The following MCPH1 variants were observed in gnomAD, a reference collection of about 807,000 sequenced individuals.
The protein encoded by MCPH1 is microcephalin 1, also known as microcephalin.
In MCPH1, 104 loss-of-function variants were observed where a neutral mutation model predicts 84.5. The observed-to-expected ratio is 1.23, with a 90% CI of 1.05 to 1.45. The LOEUF (loss-of-function observed/expected upper bound fraction) is 1.45, where lower values mean the gene tolerates loss of function less well. Ranked by LOEUF, MCPH1 falls within the 40% of genes most tolerant of loss-of-function variation. The pLI is 0.00. For synonymous variants in MCPH1, 514 were observed against 366.8 expected (o/e 1.40, Z -4.58); for missense variants, 1,498 against 1,005.7 (o/e 1.49, Z -6.62).
Position 6,477,036 on chromosome 8 carries a change from C to CA in MCPH1, c.1936-548dup, listed in dbSNP as rs5889171. Among the ~76,000 whole-genome samples, 22 of 136,942 alleles carry CA rather than the reference C, an allele frequency of 1.6e-4. No individual in the cohort carries two copies. In the East Asian group the frequency reaches 2.3e-3, roughly 14 times the overall value. The allele number at this position is 136,942 out of a possible 152,430, so 89.8% of individuals were successfully genotyped here. On this transcript the variant is annotated intron_variant, in intron 9 of 13. Coordinates refer to ENST00000344683, the MANE Select transcript of MCPH1 (RefSeq NM_024596.5). The stretch of plus-strand genomic sequence containing the variant: ...AGTCAGCGTGCATTTCTTAGATAAG[C>CA]AAAAAAAAAATTAAACATTTTATTT...
chr8:6,565,267 C>T (rs1467956728), intron 12 of MCPH1, among the ~76,000 whole-genome samples: 1 of 152,222 alleles, frequency 6.6e-6, no homozygotes, highest in Non-Finnish European at 1.5e-5. Flanking sequence ...CAGGCATGCT[C>T]CATTAAATGG....
At chr8:6,578,003 C>G (rs1827253770) in intron 12 of MCPH1, among the ~76,000 whole-genome samples, 1 of 152,210 alleles carries the variant, frequency 6.6e-6, no homozygotes, top group African/African-American at 2.4e-5. Context: ...TGTCCTGCAT[C>G]TCTGAATTTG....
intron 12 of MCPH1, among the ~76,000 whole-genome samples, chr8:6,612,028 C>T (rs1444153709): frequency 2.0e-5 from 3 of 152,164 alleles, no homozygotes; most frequent in African/African-American, 7.2e-5. Flanking sequence ...TTCAACCCTC[C>T]AAAGATTGGG....
At chr8:6,481,289 C>G (rs1239254968) in intron 11 of MCPH1, among the ~76,000 whole-genome samples, 1 of 152,216 alleles carries the variant, frequency 6.6e-6, no homozygotes, top group African/African-American at 2.4e-5. Flanking sequence ...GATGGATTTA[C>G]TTAGGATGAA....
intron 12 of MCPH1, chr8:6,562,574 T>TTTTTAAAAAA: frequency 1.7e-6 from 1 of 583,796 alleles, no homozygotes; most frequent in Non-Finnish European, 2.6e-6. Flanking sequence ...TTTTTTTTGG[T>TTTTTAAAAAA]TGTTAAAACC....
At chr8:6,419,128 TACACACACACACACAC>T (rs59016342) in intron 3 of MCPH1, among the ~76,000 whole-genome samples, 1 of 144,520 alleles carries the variant, frequency 6.9e-6, no homozygotes, top group Non-Finnish European at 1.5e-5. Context: ...TATATACACA[TACACACACACACACAC>T]ACACACAGAC....
intron 2 of MCPH1, among the ~76,000 whole-genome samples, chr8:6,410,183 C>A (rs1250806709): frequency 6.6e-6 from 1 of 151,378 alleles, no homozygotes; most frequent in African/African-American, 2.4e-5. Flanking sequence ...ACCATGTTGG[C>A]CAGGATGGTC....
At chr8:6,639,195 G>A (rs1474062744) in intron 13 of MCPH1, among the ~76,000 whole-genome samples, 2 of 152,114 alleles carry the variant, frequency 1.3e-5, no homozygotes, top group African/African-American at 2.4e-5. Context: ...ATGGGTAGAC[G>A]GGTGCATGGG....
chr8:6,632,437 A>C (rs1323039188), intron 13 of MCPH1, among the ~76,000 whole-genome samples: 1 of 152,154 alleles, frequency 6.6e-6, no homozygotes, highest in East Asian at 1.9e-4. Context: ...AAAAAAAAGA[A>C]ATCTATTCAC....
At chr8:6,559,684 A>G (rs1825217890) in intron 12 of MCPH1, among the ~76,000 whole-genome samples, 1 of 152,158 alleles carries the variant, frequency 6.6e-6, no homozygotes, top group African/African-American at 2.4e-5. Flanking sequence ...AGAAAAAAAA[A>G]TTCCTGTGGT....
In MCPH1 at chr8:6,505,397, A is replaced by G. The variant is rs1278477218; in HGVS notation, c.2214+5468A>G. Among the ~76,000 whole-genome samples the G allele has an allele frequency of 1.0e-4, 7 of 70,246 alleles. 1 individual carries two copies. In the South Asian group the frequency reaches 2.3e-3, roughly 23 times the overall value. 46.1% of individuals were successfully genotyped at this position (70,246 alleles called of 152,430 possible). Reference sequence around the variant, plus strand: ...ATATATATTCTTTCTATATGTATATAGAATATATATATTCTTTATATACAT... The same window carrying G: ...ATATATATTCTTTCTATATGTATATGGAATATATATATTCTTTATATACAT... On this transcript the variant is annotated intron_variant, in intron 12 of 13. Coordinates refer to ENST00000344683, the MANE Select transcript of MCPH1 (RefSeq NM_024596.5).
intron 12 of MCPH1, among the ~76,000 whole-genome samples, chr8:6,534,362 T>C (rs1820123753): frequency 6.6e-6 from 1 of 152,240 alleles, no homozygotes; most frequent in Admixed American, 6.5e-5. Context: ...TATGCAGATC[T>C]ACCCTGTTTT....
chr8:6,561,205 C>A (rs1372670643), intron 12 of MCPH1, among the ~76,000 whole-genome samples: 1 of 152,178 alleles, frequency 6.6e-6, no homozygotes. Context: ...CCACAGTGAC[C>A]TGGGAAAGGA....
At chr8:6,439,536 C>T (rs1234536898) in intron 6 of MCPH1, among the ~76,000 whole-genome samples, 1 of 151,274 alleles carries the variant, frequency 6.6e-6, no homozygotes, top group African/African-American at 2.5e-5. Flanking sequence ...AGGCGCCTGT[C>T]ACCACTCCTG....
chr8:6,561,404 A>C (rs1177920901), intron 12 of MCPH1, among the ~76,000 whole-genome samples: 1 of 152,206 alleles, frequency 6.6e-6, no homozygotes, highest in Non-Finnish European at 1.5e-5. Flanking sequence ...TCATGACTCA[A>C]ATAATAACTT....
At chr8:6,521,236 C>G in intron 12 of MCPH1, 2 of 1,613,908 alleles carry the variant, frequency 1.2e-6, no homozygotes, top group Non-Finnish European at 1.7e-6. Context: ...GATCATGTTG[C>G]TGCTTCTGAA....
Position 6,563,145 on chromosome 8 carries a change from T to C in MCPH1, c.2215-58309T>C, listed in dbSNP as rs1825813642. On this transcript the variant is annotated intron_variant, in intron 12 of 13. Coordinates refer to ENST00000344683, the MANE Select transcript of MCPH1 (RefSeq NM_024596.5). ...CATGCAGTAAACTGTCAGATTGCAG[T>C]GGGAAGAACAGTCCTGCTCACTTGG... 1.4e-5 allele frequency: 7 copies of C among 490,424 alleles called. No homozygotes were observed. In the South Asian group the frequency reaches 1.4e-4, roughly 10 times the overall value. 30.4% of individuals were successfully genotyped at this position (490,424 alleles called of 1,614,324 possible).
At chr8:6,534,197 A>G (rs1216211063) in intron 12 of MCPH1, among the ~76,000 whole-genome samples, 3 of 151,428 alleles carry the variant, frequency 2.0e-5, no homozygotes, top group Non-Finnish European at 4.4e-5. Flanking sequence ...CACACCATCA[A>G]TATATTTTAA....
intron 1 of MCPH1, among the ~76,000 whole-genome samples, chr8:6,407,768 G>C (rs1027111737): frequency 1.3e-5 from 2 of 152,134 alleles, no homozygotes; most frequent in African/African-American, 4.8e-5. Context: ...TTGAGAAGAG[G>C]ATATCCACTA....
Sources: gnomAD v4.1 joint callset for allele counts (sites outside exome capture counted in the v4.1 genomes callset) on GRCh38, gnomAD v4.1.1 for gene constraint, MANE v1.5 for transcripts, NCBI Gene and HGNC (gene_info 2026-07-23, HGNC 2026-07-21) for gene names.